The following LPAR3 variants were observed in gnomAD, a reference collection of about 807,000 sequenced individuals.
The protein encoded by LPAR3 is lysophosphatidic acid receptor 3.
LPAR3 carries 7 observed loss-of-function variants against 17.8 expected under a neutral mutation model. That is an observed-to-expected ratio of 0.39 (90% CI 0.22 to 0.74). The LOEUF is 0.74. Ranked by LOEUF, LPAR3 falls within the 30% of genes least tolerant of loss-of-function variation. The pLI is 0.40. For missense variants in LPAR3, 391 were observed against 453.4 expected (o/e 0.86, Z 1.25); for synonymous variants, 179 against 179.9 (o/e 0.99, Z 0.04).
At chr1:84,838,386 A>G (rs1402480832) in intron 2 of LPAR3, among the ~76,000 whole-genome samples, 1 of 152,186 alleles carries the variant, frequency 6.6e-6, no homozygotes, top group Non-Finnish European at 1.5e-5. Context: ...CTGCGCTCAT[A>G]TATGGGCTAC....
chr1:84,880,347 C>T (rs749332674), intron 1 of LPAR3, among the ~76,000 whole-genome samples: 3 of 152,082 alleles, frequency 2.0e-5, no homozygotes, highest in Non-Finnish European at 2.9e-5. Context: ...TTTGCAAGTA[C>T]GTAAGCAAAG....
At chr1:84,814,650 T>A (rs1025263521) in intron 2 of LPAR3, among the ~76,000 whole-genome samples, 2 of 152,224 alleles carry the variant, frequency 1.3e-5, no homozygotes, top group African/African-American at 4.8e-5. Context: ...TTTCTAAATG[T>A]GCTCTTGAAA....
chr1:84,862,391 G>A (rs1224676059), intron 2 of LPAR3, among the ~76,000 whole-genome samples: 30 of 152,222 alleles, frequency 2.0e-4, no homozygotes, highest in Non-Finnish European at 1.5e-5. Flanking sequence ...TGGTAAATAT[G>A]TGAACTCTAG....
At position 84,869,543 on chromosome 1, in the gene LPAR3, T is replaced by C. The variant is rs577935585; in HGVS notation, c.-18-3405A>G. ...TACAAGAAAAAGCCCATGTCATTGCTTTAATATACAATACACATAACAAAA... is the reference window on the plus strand; with the variant it reads ...TACAAGAAAAAGCCCATGTCATTGCCTTAATATACAATACACATAACAAAA... On this transcript the variant is annotated intron_variant, in intron 1 of 2. Transcript: ENST00000370611. Among the ~76,000 whole-genome samples the C allele has an allele frequency of 7.6e-4, 116 of 152,342 alleles. 1 individual carries two copies. The South Asian group carries it at 0.022, about 29-fold the overall frequency.
At chr1:84,882,195 C>T (rs1429165482) in intron 1 of LPAR3, among the ~76,000 whole-genome samples, 1 of 152,040 alleles carries the variant, frequency 6.6e-6, no homozygotes, top group African/African-American at 2.4e-5. Context: ...GCACTAACAA[C>T]AAACAATCCA....
chr1:84,889,125 T>C (rs1886649), intron 1 of LPAR3, among the ~76,000 whole-genome samples: 41,783 of 151,490 alleles, frequency 0.28, 5,988 homozygotes, highest in East Asian at 0.45. Context: ...GAGGAGGACA[T>C]AAGACTGGGG....
chr1:84,873,371 T>C (rs1482702655), intron 1 of LPAR3, among the ~76,000 whole-genome samples: 1 of 152,206 alleles, frequency 6.6e-6, no homozygotes, highest in Admixed American at 6.5e-5. Context: ...GACTGCTCTG[T>C]AAATAAACAA....
At chr1:84,892,164 G>C (rs982164699) in intron 1 of LPAR3, among the ~76,000 whole-genome samples, 16 of 151,968 alleles carry the variant, frequency 1.1e-4, no homozygotes, top group Admixed American at 3.3e-4. Flanking sequence ...AGTGAGCCGA[G>C]ATCGCGCCAC....
chr1:84,878,963 G>C (rs1351291365), intron 1 of LPAR3, among the ~76,000 whole-genome samples: 1 of 152,088 alleles, frequency 6.6e-6, no homozygotes, highest in Admixed American at 6.5e-5. Flanking sequence ...AATTACTCTG[G>C]ACATAGCTTT....
intron 2 of LPAR3, among the ~76,000 whole-genome samples, chr1:84,829,449 C>T (rs567823215): frequency 6.6e-5 from 10 of 152,106 alleles, no homozygotes; most frequent in Non-Finnish European, 1.5e-4. Flanking sequence ...AGATCTCTAA[C>T]TCATCTGCCA....
At chr1:84,858,230 C>T (rs928128668) in intron 2 of LPAR3, among the ~76,000 whole-genome samples, 1 of 152,006 alleles carries the variant, frequency 6.6e-6, no homozygotes, top group African/African-American at 2.4e-5. Context: ...GCCTGCAATC[C>T]CAGCACTTTG....
At chr1:84,875,139 A>G (rs1015900437) in intron 1 of LPAR3, among the ~76,000 whole-genome samples, 3 of 152,120 alleles carry the variant, frequency 2.0e-5, no homozygotes, top group Non-Finnish European at 4.4e-5. Flanking sequence ...ATCTCAGATG[A>G]TCCGCCTGTG....
chr1:84,819,664 C>T (rs1659011684), intron 2 of LPAR3, among the ~76,000 whole-genome samples: 1 of 152,178 alleles, frequency 6.6e-6, no homozygotes, highest in Admixed American at 6.5e-5. Flanking sequence ...CTTCAATTTG[C>T]ATTTGGGAAA....
At chr1:84,827,335 C>T (rs1659178691) in intron 2 of LPAR3, among the ~76,000 whole-genome samples, 1 of 152,080 alleles carries the variant, frequency 6.6e-6, no homozygotes. Context: ...AAAACAGGGG[C>T]TGGGGGAGAT....
At chr1:84,836,669 C>T (rs531746699) in intron 2 of LPAR3, among the ~76,000 whole-genome samples, 62 of 152,282 alleles carry the variant, frequency 4.1e-4, no homozygotes, top group Non-Finnish European at 6.9e-4. Context: ...CTCTCTGAAG[C>T]TGAGATGGCC....
At chr1:84,874,979 A>T (rs1423274193) in intron 1 of LPAR3, among the ~76,000 whole-genome samples, 1 of 150,842 alleles carries the variant, frequency 6.6e-6, no homozygotes, top group South Asian at 2.1e-4. Context: ...GGCTCACTGC[A>T]ACCTCCACCT....
Position 84,893,066 on chromosome 1 carries a change from T to C in LPAR3, c.-69A>G, listed in dbSNP as rs939594841. The C allele has an allele frequency of 3.9e-5, 6 of 152,082 alleles. No individual in the cohort carries two copies. Among genetic ancestry groups the C allele is most frequent in the African/African-American group, 1.2e-4 (5 of 41,530 alleles). The allele number at this position is 152,082 out of a possible 1,614,324, so 9.4% of individuals were successfully genotyped here. ...GCCCGGGAGCGGGGGCCCCTGCGGCTGCCGCATGCCCTCGGGGTCGAGCGC... is the reference window on the plus strand; with the variant it reads ...GCCCGGGAGCGGGGGCCCCTGCGGCCGCCGCATGCCCTCGGGGTCGAGCGC... On this transcript the variant is annotated 5_prime_UTR_variant, in exon 1 of 3. Transcript: ENST00000370611.
chr1:84,840,072 G>A (rs1659478611), intron 2 of LPAR3, among the ~76,000 whole-genome samples: 1 of 151,774 alleles, frequency 6.6e-6, no homozygotes, highest in Non-Finnish European at 1.5e-5. Flanking sequence ...ACAGGTGTGT[G>A]CCACCACACC....
At chr1:84,831,982 G>GT (rs1213942108) in intron 2 of LPAR3, among the ~76,000 whole-genome samples, 1 of 151,856 alleles carries the variant, frequency 6.6e-6, no homozygotes, top group Non-Finnish European at 1.5e-5. Flanking sequence ...TAGAATATTG[G>GT]TAAAAACTCC....
Sources: allele counts gnomAD v4.1 joint callset (sites outside exome capture counted in the v4.1 genomes callset), GRCh38; gene constraint gnomAD v4.1.1; transcripts MANE v1.5; gene names NCBI Gene and HGNC (gene_info 2026-07-23, HGNC 2026-07-21).